RASGEF1A: variants seen among roughly 807,000 people sequenced by gnomAD.
The protein encoded by RASGEF1A is RasGEF domain family member 1A.
A neutral mutation model predicts 56.4 loss-of-function variants in RASGEF1A; 18 were observed. The ratio of observed to expected loss-of-function variants is 0.32; its 90% CI spans 0.22 to 0.47. The LOEUF is 0.47. RASGEF1A is among the 20% of genes least tolerant of loss of function. The pLI, the probability that RASGEF1A is intolerant of heterozygous loss-of-function variation, is 1.00. For synonymous variants in RASGEF1A, 245 were observed against 242.6 expected (o/e 1.01, Z -0.09); for missense variants, 422 against 627.1 (o/e 0.67, Z 3.49).
chr10:43,209,131 A>C, intron 1 of RASGEF1A: 5 of 985,480 alleles, frequency 5.1e-6, no homozygotes, highest in Non-Finnish European at 6.0e-6. Context: ...CCCCTTCCCA[A>C]GGAAGAATTG....
At chr10:43,212,596 G>A (rs969132286) in intron 1 of RASGEF1A, among the ~76,000 whole-genome samples, 12 of 152,348 alleles carry the variant, frequency 7.9e-5, no homozygotes, top group East Asian at 3.9e-4. Context: ...TGGGGAGTGC[G>A]GGGTGGCAGG....
intron 3 of RASGEF1A, 141 bp downstream of exon 3, chr10:43,203,157 C>T (rs893497691): frequency 6.1e-6 from 5 of 815,884 alleles, no homozygotes; most frequent in African/African-American, 1.8e-5. Flanking sequence ...CCCACAGTCC[C>T]AGCCAGGCCA....
chr10:43,244,489 C>T (rs900477376), intron 1 of RASGEF1A, among the ~76,000 whole-genome samples: 1 of 151,058 alleles, frequency 6.6e-6, no homozygotes, highest in Non-Finnish European at 1.5e-5. Flanking sequence ...TTAACAACAA[C>T]AGAACACATA....
chr10:43,212,863 TCACA>T (rs999800839), intron 1 of RASGEF1A, among the ~76,000 whole-genome samples: 1 of 152,048 alleles, frequency 6.6e-6, no homozygotes, highest in African/African-American at 2.4e-5. Flanking sequence ...CCCACAACAC[TCACA>T]CACACAGGTT....
chr10:43,207,052 C>G, intron 1 of RASGEF1A: 1 of 985,496 alleles, frequency 1.0e-6, no homozygotes. Flanking sequence ...GGCCTGTTTC[C>G]CCAGTGCCCC....
intron 1 of RASGEF1A, among the ~76,000 whole-genome samples, chr10:43,248,002 C>T (rs1470329096): frequency 1.3e-5 from 2 of 150,450 alleles, no homozygotes; most frequent in African/African-American, 4.9e-5. Context: ...AGTTTGAGAC[C>T]AGCCTGAGCA....
At chr10:43,240,819 A>C (rs753995948) in intron 1 of RASGEF1A, among the ~76,000 whole-genome samples, 24 of 152,240 alleles carry the variant, frequency 1.6e-4, no homozygotes, top group Admixed American at 2.6e-4. Flanking sequence ...TAATGGCTAA[A>C]ATTTTCTAAG....
intron 1 of RASGEF1A, among the ~76,000 whole-genome samples, chr10:43,255,604 G>A (rs1003156807): frequency 5.3e-5 from 8 of 152,246 alleles, no homozygotes; most frequent in Non-Finnish European, 1.2e-4. Flanking sequence ...GAGGAGGTGA[G>A]GAGTGTCACT....
rs147356555 is a variant in RASGEF1A, at chr10:43,212,900, C to A, written c.-6-6778G>T. Among the ~76,000 whole-genome samples the A allele has an allele frequency of 3.0e-4, 45 of 152,370 alleles. No individual in the cohort carries two copies. In the East Asian group the frequency reaches 6.5e-3, roughly 22 times the overall value. ...GTTCACACAGGTGCACACATGCACACACAGGTGCACAGACCCCTTCGCACC... is the reference window on the plus strand; with the variant it reads ...GTTCACACAGGTGCACACATGCACAAACAGGTGCACAGACCCCTTCGCACC... On this transcript the variant is annotated intron_variant, in intron 1 of 12. Transcript: ENST00000395810.
At chr10:43,251,001 A>T (rs996477193) in intron 1 of RASGEF1A, among the ~76,000 whole-genome samples, 1 of 152,274 alleles carries the variant, frequency 6.6e-6, no homozygotes, top group South Asian at 2.1e-4. Context: ...AGCTGAAGGG[A>T]ATGTGTGAGG....
At chr10:43,241,422 G>A (rs1310477606) in intron 1 of RASGEF1A, among the ~76,000 whole-genome samples, 1 of 152,154 alleles carries the variant, frequency 6.6e-6, no homozygotes, top group East Asian at 1.9e-4. Flanking sequence ...CTACAGAGGA[G>A]CAAAGTTTTT....
intron 1 of RASGEF1A, among the ~76,000 whole-genome samples, chr10:43,252,891 C>A (rs1840643373): frequency 6.6e-6 from 1 of 152,078 alleles, no homozygotes; most frequent in South Asian, 2.1e-4. Flanking sequence ...CTAACCGCTC[C>A]CCTGCACCCT....
At chr10:43,215,641 A>G (rs1370859367) in intron 1 of RASGEF1A, among the ~76,000 whole-genome samples, 1 of 152,180 alleles carries the variant, frequency 6.6e-6, no homozygotes, top group Non-Finnish European at 1.5e-5. Flanking sequence ...GTGTTCCCGG[A>G]GCCCTATTCT....
chr10:43,254,951 C>T (rs369686742), intron 1 of RASGEF1A, among the ~76,000 whole-genome samples: 6 of 152,180 alleles, frequency 3.9e-5, no homozygotes, highest in East Asian at 3.9e-4. Flanking sequence ...CCTCTATCCC[C>T]GCACTCCTGA....
chr10:43,200,525 G>T, intron 5 of RASGEF1A, 142 bp downstream of exon 5: 2 of 763,726 alleles, frequency 2.6e-6, no homozygotes, highest in Non-Finnish European at 2.1e-6. Flanking sequence ...CACACATCTG[G>T]CATGAAGTGT....
chr10:43,235,261 C>T (rs186964450), intron 1 of RASGEF1A, among the ~76,000 whole-genome samples: 10 of 152,342 alleles, frequency 6.6e-5, no homozygotes, highest in South Asian at 6.2e-4. Context: ...AGGAGCCCAC[C>T]GGCCACAGCG....
intron 1 of RASGEF1A, among the ~76,000 whole-genome samples, chr10:43,223,343 T>C (rs1030940597): frequency 6.6e-6 from 1 of 152,206 alleles, no homozygotes; most frequent in Non-Finnish European, 1.5e-5. Flanking sequence ...GATATTAATA[T>C]ATAACTGATA....
chr10:43,223,882 G>A (rs1261266948), intron 1 of RASGEF1A, among the ~76,000 whole-genome samples: 2 of 151,994 alleles, frequency 1.3e-5, no homozygotes, highest in African/African-American at 4.8e-5. Context: ...AAGGAAGAAA[G>A]GAAGGACATG....
intron 1 of RASGEF1A, among the ~76,000 whole-genome samples, chr10:43,225,081 A>G (rs987271020): frequency 2.1e-5 from 3 of 139,712 alleles, no homozygotes; most frequent in Admixed American, 7.0e-5. Flanking sequence ...TCTCTGTGTT[A>G]GTGTGTCTCT....
Sources: gnomAD v4.1 joint callset for allele counts (sites outside exome capture counted in the v4.1 genomes callset) on GRCh38, gnomAD v4.1.1 for gene constraint, MANE v1.5 for transcripts, NCBI Gene and HGNC (gene_info 2026-07-23, HGNC 2026-07-21) for gene names.